The following NALCN variants were observed in gnomAD, a reference collection of about 807,000 sequenced individuals.
NALCN encodes sodium leak channel NALCN.
In NALCN, 111 loss-of-function variants were observed where a neutral mutation model predicts 225.3. The ratio of observed to expected loss-of-function variants is 0.49; its 90% CI spans 0.42 to 0.58. The LOEUF (loss-of-function observed/expected upper bound fraction) is 0.58. Ranked by LOEUF, NALCN falls within the 20% of genes least tolerant of loss-of-function variation. The pLI is 0.00. For missense variants in NALCN, 1,378 were observed against 2,202.4 expected (o/e 0.63, Z 7.49); for synonymous variants, 764 against 769.0 (o/e 0.99, Z 0.11).
At chr13:101,106,936 A>T (rs11843065) in intron 22 of NALCN, among the ~76,000 whole-genome samples, 38,339 of 152,120 alleles carry the variant, frequency 0.25, 5,452 homozygotes, top group East Asian at 0.63. Context: ...AGGTGTCCAC[A>T]ACTAGTGTCT....
chr13:101,356,912 A>G (rs2046079686), intron 6 of NALCN, among the ~76,000 whole-genome samples: 1 of 152,236 alleles, frequency 6.6e-6, no homozygotes, highest in Non-Finnish European at 1.5e-5. Flanking sequence ...GTAATTCATC[A>G]CATAAACAGA....
Position 101,206,399 on chromosome 13 carries a change from T to C in NALCN, c.1627-14345A>G, listed in dbSNP as rs537329698. 2.0e-3 allele frequency among the ~76,000 whole-genome samples: 303 copies of C among 152,146 alleles called. 1 individual carries two copies. The highest frequency in any genetic ancestry group is 7.1e-3 in the African/African-American group (295 of 41,568). ...TACTTTAATACCTTAAAAATAAACT[T>C]GATAGCTGTTTATGAATAAACACTT... is the stretch of plus-strand genomic sequence containing the variant. On this transcript the variant is annotated intron_variant, in intron 13 of 43. Transcript: ENST00000251127.
At position 101,055,735 on chromosome 13, in the gene NALCN, GA is replaced by G. The variant is rs549449420; in HGVS notation, c.5024-248del. 3.6e-4 allele frequency among the ~76,000 whole-genome samples: 54 copies of G among 151,738 alleles called. 2 individuals are homozygous for G. The South Asian group carries it at 0.011, about 31-fold the overall frequency. On this transcript the variant is annotated intron_variant, in intron 43 of 43. Coordinates refer to ENST00000251127, the MANE Select transcript of NALCN (RefSeq NM_052867.4). Reference sequence around the variant, plus strand: ...ACGTGCTGCTCACCCCTTTCATTTTGAAATAATTAAAAAAACTAGAAAATCA... The same window carrying G: ...ACGTGCTGCTCACCCCTTTCATTTTGAATAATTAAAAAAACTAGAAAATCA...
At chr13:101,182,483 T>A (rs1188097506) in intron 14 of NALCN, among the ~76,000 whole-genome samples, 1 of 152,210 alleles carries the variant, frequency 6.6e-6, no homozygotes, top group Non-Finnish European at 1.5e-5. Flanking sequence ...GAAAGTAGCA[T>A]AAACCTAATT....
intron 7 of NALCN, among the ~76,000 whole-genome samples, chr13:101,338,400 T>C (rs2045452142): frequency 6.6e-6 from 1 of 152,232 alleles, no homozygotes; most frequent in South Asian, 2.1e-4. Context: ...AAATGCATGA[T>C]AGCGATTTAC....
rs2033774762 is a variant in NALCN at position 101,083,585 on chromosome 13, T to G, written c.3583+126A>C. On this transcript the variant is annotated intron_variant, in intron 31 of 43. Transcript: ENST00000251127. ...GAGAGATCTGTGGTTTGGAGCCTGT[T>G]TCTGTATTACCTTATGCACAACCTC... The G allele has an allele frequency of 5.8e-6, 5 of 860,410 alleles. No individual in the cohort carries two copies. The South Asian group carries it at 9.2e-5, about 16-fold the overall frequency. 53.3% of individuals were successfully genotyped at this position (860,410 alleles called of 1,614,324 possible).
chr13:101,166,013 G>T (rs1375174312), intron 15 of NALCN, among the ~76,000 whole-genome samples: 1 of 152,132 alleles, frequency 6.6e-6, no homozygotes, highest in Middle Eastern at 3.2e-3. Context: ...GTCTTTTTGT[G>T]ACTGGCTTAT....
intron 9 of NALCN, 129 bp downstream of exon 9, chr13:101,291,861 T>G: frequency 1.1e-6 from 1 of 943,726 alleles, no homozygotes; most frequent in Non-Finnish European, 1.6e-6. Context: ...GCAACTGTAT[T>G]TTTAAACAGC....
At chr13:101,263,274 A>G (rs2042492148) in intron 10 of NALCN, among the ~76,000 whole-genome samples, 1 of 152,200 alleles carries the variant, frequency 6.6e-6, no homozygotes, top group South Asian at 2.1e-4. Flanking sequence ...ATGCACATCA[A>G]TTTACTTGCA....
At chr13:101,343,456 T>C (rs1471466751) in intron 7 of NALCN, among the ~76,000 whole-genome samples, 1 of 152,196 alleles carries the variant, frequency 6.6e-6, no homozygotes, top group African/African-American at 2.4e-5. Context: ...AAATTCTCTA[T>C]TGTGGCTCTG....
At chr13:101,263,174 G>T (rs1020434968) in intron 10 of NALCN, among the ~76,000 whole-genome samples, 4 of 152,132 alleles carry the variant, frequency 2.6e-5, no homozygotes, top group Non-Finnish European at 5.9e-5. Context: ...TCCTGTCACC[G>T]TGGCTATTGA....
At chr13:101,294,518 T>C (rs2043665219) in intron 7 of NALCN, among the ~76,000 whole-genome samples, 1 of 151,742 alleles carries the variant, frequency 6.6e-6, no homozygotes, top group South Asian at 2.1e-4. Flanking sequence ...TAAATATAGT[T>C]AATGTTTTTC....
chr13:101,362,085 C>T (rs765021946), intron 6 of NALCN, among the ~76,000 whole-genome samples: 1 of 151,722 alleles, frequency 6.6e-6, no homozygotes, highest in Non-Finnish European at 1.5e-5. Context: ...ATGTGCAGAA[C>T]AATTTTAAAA....
At chr13:101,318,923 C>T (rs192765168) in intron 7 of NALCN, among the ~76,000 whole-genome samples, 169 of 152,270 alleles carry the variant, frequency 1.1e-3, no homozygotes, top group Middle Eastern at 3.4e-3. Flanking sequence ...TCCCTGCCTA[C>T]TCTTCAAACT....
chr13:101,226,264 A>T (rs1173645812), intron 13 of NALCN, among the ~76,000 whole-genome samples: 1 of 151,450 alleles, frequency 6.6e-6, no homozygotes, highest in African/African-American at 2.4e-5. Flanking sequence ...CCAACCAGAC[A>T]TCCCAATCCC....
intron 9 of NALCN, among the ~76,000 whole-genome samples, chr13:101,286,864 TACACACACACAC>T (rs71121180): frequency 2.7e-5 from 4 of 146,956 alleles, no homozygotes; most frequent in Admixed American, 1.4e-4. Flanking sequence ...CCAGGTATTA[TACACACACACAC>T]ACACACACAC....
chr13:101,118,668 T>C (rs1377824703), intron 18 of NALCN, among the ~76,000 whole-genome samples: 1 of 152,216 alleles, frequency 6.6e-6, no homozygotes, highest in Non-Finnish European at 1.5e-5. Context: ...GCAGACTTCA[T>C]AGAATTGCAA....
chr13:101,273,750 T>C (rs2042876817), intron 10 of NALCN, among the ~76,000 whole-genome samples: 1 of 151,670 alleles, frequency 6.6e-6, no homozygotes, highest in Non-Finnish European at 1.5e-5. Flanking sequence ...CCGGGCGTGG[T>C]GGCAGGCACC....
chr13:101,289,568 C>T (rs12431144), intron 9 of NALCN, among the ~76,000 whole-genome samples: 30,241 of 143,932 alleles, frequency 0.21, 3,900 homozygotes, highest in Non-Finnish European at 0.29. Flanking sequence ...TTTCTATACA[C>T]ATGGCTGTTA....
Sources: gnomAD v4.1 joint callset for allele counts (sites outside exome capture counted in the v4.1 genomes callset) on GRCh38, gnomAD v4.1.1 for gene constraint, MANE v1.5 for transcripts, NCBI Gene and HGNC (gene_info 2026-07-23, HGNC 2026-07-21) for gene names.